MAP2: variants seen among roughly 807,000 people sequenced by gnomAD.
MAP2 encodes the protein microtubule associated protein 2.
In MAP2, 14 loss-of-function variants were observed where a neutral mutation model predicts 137.6. That is an observed-to-expected ratio of 0.10 (90% CI 0.07 to 0.16). The LOEUF (loss-of-function observed/expected upper bound fraction) is 0.16. Ranked by LOEUF, MAP2 falls within the 10% of genes least tolerant of loss-of-function variation. MAP2 has a pLI of 1.00. For synonymous variants in MAP2, 786 were observed against 782.3 expected (o/e 1.00, Z -0.08); for missense variants, 2,088 against 2,191.5 (o/e 0.95, Z 0.94).
chr2:209,578,642 T>C (rs1301217140), intron 2 of MAP2, among the ~76,000 whole-genome samples: 1 of 152,210 alleles, frequency 6.6e-6, no homozygotes, highest in Non-Finnish European at 1.5e-5. Context: ...AAAATTAACT[T>C]ATTTATTGAC....
intron 5 of MAP2, among the ~76,000 whole-genome samples, chr2:209,676,651 T>C (rs935016796): frequency 8.2e-5 from 12 of 145,858 alleles, no homozygotes; most frequent in African/African-American, 3.1e-4. Flanking sequence ...CTAAATGCCA[T>C]AGGAAGACAC....
chr2:209,597,224 T>C lies in MAP2; in HGVS notation c.-107+17124T>C, dbSNP rs950590253. Among the ~76,000 whole-genome samples the C allele has an allele frequency of 2.0e-5, 3 of 152,186 alleles. No homozygotes were observed. The South Asian group carries it at 6.2e-4, about 32-fold the overall frequency. On this transcript the variant is annotated intron_variant, in intron 3 of 15. Coordinates refer to ENST00000682079, the MANE Select transcript of MAP2 (RefSeq NM_001375505.1). ...TCTATTTTGTTTAAGCCACTGTTAATTGGGGTTTTTCCATTACTTACAGCC... is the reference window on the plus strand; with the variant it reads ...TCTATTTTGTTTAAGCCACTGTTAACTGGGGTTTTTCCATTACTTACAGCC...
intron 2 of MAP2, among the ~76,000 whole-genome samples, chr2:209,558,473 G>A (rs2071204539): frequency 1.3e-5 from 2 of 152,062 alleles, no homozygotes; most frequent in Admixed American, 1.3e-4. Flanking sequence ...ACAGGTGTGA[G>A]CCACCACGCC....
At chr2:209,542,120 C>A (rs1179158020) in intron 2 of MAP2, among the ~76,000 whole-genome samples, 13 of 152,208 alleles carry the variant, frequency 8.5e-5, no homozygotes, top group Admixed American at 3.9e-4. Flanking sequence ...CTGCAAAATG[C>A]ATGTTGTATT....
chr2:209,559,477 T>TACAAAAA (rs2071477542), intron 2 of MAP2, among the ~76,000 whole-genome samples: 1 of 24,216 alleles, frequency 4.1e-5, no homozygotes, highest in Non-Finnish European at 8.7e-5. Flanking sequence ...CTGCCAAAAA[T>TACAAAAA]ACAAAAAAAA....
Position 209,693,566 on chromosome 2 carries a change from G to T in MAP2, c.1396G>T (p.Ala466Ser). ...VPKESKPPKP[A>S]DEEIGIIQTS... ...AAAAGAGAGTAAACCCCCAAAACCT[G>T]CAGATGAAGAAATAGGCATAATTCA... is the stretch of plus-strand genomic sequence containing the variant. The change falls in exon 8 of 16, where the codon GCA (alanine) becomes TCA (serine). Residue 466 changes from alanine to serine, a missense_variant. By Grantham distance (99) the Ala-to-Ser change is moderately conservative. Around this residue, in one of 6 missense-constraint regions of MAP2, gnomAD observed 859 missense variants for 794.5 expected, o/e 1.08. Transcript: ENST00000682079. 1 of 1,612,782 alleles carries T rather than the reference G, an allele frequency of 6.2e-7. No homozygotes were observed. The highest frequency in any genetic ancestry group is 8.5e-7 in the Non-Finnish European group (1 of 1,179,772).
chr2:209,625,639 C>G (rs1411970493), intron 4 of MAP2, among the ~76,000 whole-genome samples: 1 of 152,114 alleles, frequency 6.6e-6, no homozygotes, highest in Non-Finnish European at 1.5e-5. Context: ...GGACAGAACA[C>G]CAGCCCCAGC....
chr2:209,587,054 T>C (rs549821688), intron 3 of MAP2, among the ~76,000 whole-genome samples: 4 of 152,312 alleles, frequency 2.6e-5, no homozygotes, highest in African/African-American at 9.6e-5. Flanking sequence ...ATGCTTATTA[T>C]GCCATATAAT....
chr2:209,653,490 T>C, intron 5 of MAP2, 58 bp downstream of exon 5: 5 of 1,515,572 alleles, frequency 3.3e-6, no homozygotes, highest in Non-Finnish European at 4.4e-6. Flanking sequence ...GTCAGTTTAG[T>C]CTGAAAGTGA....
intron 4 of MAP2, among the ~76,000 whole-genome samples, chr2:209,625,767 C>T (rs774710260): frequency 1.6e-4 from 24 of 152,100 alleles, no homozygotes; most frequent in Non-Finnish European, 3.2e-4. Flanking sequence ...ATTTACTGAA[C>T]GCGCTATAAA....
At chr2:209,705,777 T>G (rs748668547) in intron 12 of MAP2, 50 bp downstream of exon 12, 20 of 1,429,842 alleles carry the variant, frequency 1.4e-5, no homozygotes, top group Non-Finnish European at 2.0e-5. Context: ...TTAAATCCTT[T>G]AAGTGGAATA....
intron 2 of MAP2, among the ~76,000 whole-genome samples, chr2:209,540,289 G>C (rs2066717327): frequency 6.6e-6 from 1 of 151,752 alleles, no homozygotes; most frequent in African/African-American, 2.4e-5. Flanking sequence ...TAATGTTTTA[G>C]CATTTGTATA....
chr2:209,563,035 G>T (rs2072540911), intron 2 of MAP2, among the ~76,000 whole-genome samples: 1 of 152,158 alleles, frequency 6.6e-6, no homozygotes, highest in Admixed American at 6.5e-5. Flanking sequence ...ATGTGAATGT[G>T]CTGTTGAAAT....
At position 209,587,610 on chromosome 2, in the gene MAP2, G is replaced by A. The variant is rs529235008; in HGVS notation, c.-107+7510G>A. Among the ~76,000 whole-genome samples, 8 of 152,188 alleles carry A rather than the reference G, an allele frequency of 5.3e-5. No homozygotes were observed. The South Asian group carries it at 6.2e-4, about 12-fold the overall frequency. On this transcript the variant is annotated intron_variant, in intron 3 of 15. Transcript: ENST00000682079. Reference sequence around the variant, plus strand: ...CTCTAGTCATCTCTTTTAGCTATGGGAACGTGGGAGCACTGACCTGTTTGA... The same window carrying A: ...CTCTAGTCATCTCTTTTAGCTATGGAAACGTGGGAGCACTGACCTGTTTGA...
intron 1 of MAP2, among the ~76,000 whole-genome samples, chr2:209,465,268 TA>T (rs906775525): frequency 2.1e-4 from 32 of 151,756 alleles, no homozygotes; most frequent in Admixed American, 2.6e-4. Context: ...TACTTTTGTC[TA>T]AAAAAAAGTG....
chr2:209,498,215 G>T (rs2059977773), intron 1 of MAP2, among the ~76,000 whole-genome samples: 1 of 152,228 alleles, frequency 6.6e-6, no homozygotes, highest in Non-Finnish European at 1.5e-5. Context: ...AGCAGGGACA[G>T]TTATTAAACT....
chr2:209,617,955 A>G (rs1170319560), intron 3 of MAP2, among the ~76,000 whole-genome samples: 1 of 152,194 alleles, frequency 6.6e-6, no homozygotes, highest in Non-Finnish European at 1.5e-5. Flanking sequence ...TACATATTTA[A>G]TAAATACTAA....
Position 209,679,322 on chromosome 2 carries a change from C to CATAGATAG in MAP2, c.376+674_376+681dup, listed in dbSNP as rs3036677. The stretch of plus-strand genomic sequence containing the variant: ...CAGCCAAAGCCTTGCTGCCCCTACT[C>CATAGATAG]ATAGATAGATAGATAGATAGATAGA... On this transcript the variant is annotated intron_variant, in intron 6 of 15. Transcript: ENST00000682079. 1.9e-3 allele frequency among the ~76,000 whole-genome samples: 284 copies of CATAGATAG among 148,536 alleles called. 1 individual carries two copies. The highest frequency in any genetic ancestry group is 2.3e-3 in the Non-Finnish European group (151 of 66,978).
chr2:209,433,411 G>A (rs1340864567), intron 1 of MAP2, among the ~76,000 whole-genome samples: 1 of 152,018 alleles, frequency 6.6e-6, no homozygotes, highest in Admixed American at 6.6e-5. Flanking sequence ...AAGACCAATG[G>A]TACTGGAGTC....
Sources: allele counts gnomAD v4.1 joint callset (sites outside exome capture counted in the v4.1 genomes callset), GRCh38; gene constraint gnomAD v4.1.1; regional missense constraint gnomAD v4.1.1; transcripts MANE v1.5; gene names NCBI Gene and HGNC (gene_info 2026-07-23, HGNC 2026-07-21).